SIAE: variants seen among roughly 807,000 people sequenced by gnomAD.
The protein encoded by SIAE is sialic acid acetylesterase, also known as sialate O-acetylesterase.
In SIAE, 39 loss-of-function variants were observed where a neutral mutation model predicts 52.6. That is an observed-to-expected ratio of 0.74 (90% CI 0.57 to 0.97). SIAE has a LOEUF of 0.97. Ranked by LOEUF, SIAE falls within the 50% of genes least tolerant of loss-of-function variation. The pLI is 0.00. For missense variants in SIAE, 592 were observed against 662.1 expected (o/e 0.89, Z 1.16); for synonymous variants, 233 against 241.4 (o/e 0.97, Z 0.32).
In SIAE at chr11:124,647,391, G is replaced by C. The variant is rs766290004; in HGVS notation, c.940C>G (p.Arg314Gly). Residue 314 changes from arginine (R) to glycine (G), a missense_variant, in exon 7 of 10, where the codon CGT becomes GGT. By Grantham distance (125) the Arg-to-Gly change is moderately radical. Transcript: ENST00000263593. ...TGGACAAGTCCAAATGGGAAGAAAC[G>C]CTCCGTCTGCCCCTGGGAACCACGG... ...FHRGSQGQTERFFPFGLVQLS... is the reference protein window; with the variant it reads ...FHRGSQGQTEGFFPFGLVQLS... The C allele has an allele frequency of 1.6e-5, 26 of 1,614,066 alleles. No individual in the cohort carries two copies. Among genetic ancestry groups the C allele is most frequent in the Non-Finnish European group, 2.1e-5 (25 of 1,180,044 alleles).
chr11:124,646,556 T>G (rs1240984219), intron 7 of SIAE, among the ~76,000 whole-genome samples: 11 of 123,058 alleles, frequency 8.9e-5, no homozygotes, highest in South Asian at 2.4e-4. Flanking sequence ...TTCCAGGGAG[T>G]GGAAGGGATA....
Position 124,648,175 on chromosome 11 carries a change from C to T in SIAE, c.723G>A (p.Gly241=). 1 of 1,611,352 alleles carries T rather than the reference C, an allele frequency of 6.2e-7. No individual in the cohort carries two copies. The highest frequency in any genetic ancestry group is 8.5e-7 in the Non-Finnish European group (1 of 1,177,658). Residue 241 remains glycine (G), a splice_region_variant and synonymous_variant, in exon 6 of 10, where the codon GGG becomes GGA. Transcript: ENST00000263593. ...CAGTTACAGAATCGTATGGAATGGA[C>T]CTGAAATCATATGATGCACAAGTGT... The part of the protein sequence containing the change: ...SLKACGVPKQ[G]SIPYDSVTGP...
Position 124,637,026 on chromosome 11 carries a change from A to G in SIAE, c.1497T>C (p.Ser499=). The G allele has an allele frequency of 2.5e-6, 4 of 1,614,192 alleles. No individual in the cohort carries two copies. Among genetic ancestry groups the G allele is most frequent in the Non-Finnish European group, 3.4e-6 (4 of 1,180,034 alleles). ...CAATGAAGGGAGGGGCTGGCAGGGC[A>G]CTACTGGGGTGGTATAGGGGACACT... is the stretch of plus-strand genomic sequence containing the variant. ...YKQCPLYHPS[S]ALPAPPFIAF... The change falls in exon 10 of 10, where the codon AGT becomes AGC. Residue 499 remains serine (S), a synonymous_variant. Transcript: ENST00000263593.
chr11:124,654,546 G>GTAATAATT (rs1943066995), intron 4 of SIAE, 109 bp downstream of exon 4: 1 of 1,605,590 alleles, frequency 6.2e-7, no homozygotes, highest in African/African-American at 1.3e-5. Context: ...AGGAATAAAA[G>GTAATAATT]GCATGAGTAA....
rs1374431031 is a variant in SIAE, at chr11:124,645,821, T to C, written c.966+1544A>G. Reference sequence around the variant, plus strand: ...GAAAATAATGAGCAGAATAATCTTATTTCAAAGTCAGAACAAATGCAGGAA... The same window carrying C: ...GAAAATAATGAGCAGAATAATCTTACTTCAAAGTCAGAACAAATGCAGGAA... On this transcript the variant is annotated intron_variant, in intron 7 of 9. Coordinates refer to ENST00000263593, the MANE Select transcript of SIAE (RefSeq NM_170601.5). This position sits in a 1 kb window ranked among gnomAD's most constrained non-coding sequence, Gnocchi z 4.7. 6.6e-6 allele frequency among the ~76,000 whole-genome samples: 1 copy of C among 152,150 alleles called. No individual in the cohort carries two copies. The highest frequency in any genetic ancestry group is 1.5e-5 in the Non-Finnish European group (1 of 68,036).
chr11:124,665,493 G>A (rs1565417912), intron 2 of SIAE, among the ~76,000 whole-genome samples: 1 of 152,182 alleles, frequency 6.6e-6, no homozygotes, highest in East Asian at 1.9e-4. Context: ...ACCTCCAGGT[G>A]GGAACGCAGC....
Position 124,647,341 on chromosome 11 carries a change from G to C in SIAE, c.966+24C>G, listed in dbSNP as rs537977482. 8.7e-6 allele frequency: 14 copies of C among 1,614,158 alleles called. 1 individual carries two copies. Among genetic ancestry groups the C allele is most frequent in the Middle Eastern group, 1.6e-4 (1 of 6,062 alleles). On this transcript the variant is annotated intron_variant, in intron 7 of 9. Transcript: ENST00000263593. ...ACAGGAACAGGTGTTGACATGAACA[G>C]AGAAGCCTTTACCCACATCGTACCT...
At chr11:124,668,559 G>T (rs1177129019) in intron 2 of SIAE, among the ~76,000 whole-genome samples, 1 of 152,200 alleles carries the variant, frequency 6.6e-6, no homozygotes. Flanking sequence ...CTGCACTTGT[G>T]TGCCAGGCAC....
At chr11:124,654,364 T>C (rs1410539250) in intron 4 of SIAE, 1 of 984,936 alleles carries the variant, frequency 1.0e-6, no homozygotes, top group Non-Finnish European at 1.2e-6. Context: ...GGATTTGGAG[T>C]GAAGGCATCG....
At chr11:124,654,567 A>ACC in intron 4 of SIAE, 88 bp downstream of exon 4, 1 of 1,611,436 alleles carries the variant, frequency 6.2e-7, no homozygotes, top group Non-Finnish European at 8.5e-7. Context: ...TAATAAATAG[A>ACC]CACATAAGAA....
intron 4 of SIAE, 84 bp from the exon 5 acceptor site, chr11:124,649,880 A>T: frequency 7.6e-7 from 1 of 1,317,554 alleles, no homozygotes. Flanking sequence ...TCGAGGTGAG[A>T]AGGGTGGGCA....
chr11:124,664,046 G>A (rs187157270), intron 2 of SIAE, among the ~76,000 whole-genome samples: 12 of 152,006 alleles, frequency 7.9e-5, no homozygotes, highest in East Asian at 3.9e-4. Flanking sequence ...ATTTTTTCTC[G>A]TACCACCTAG....
intron 2 of SIAE, among the ~76,000 whole-genome samples, chr11:124,665,911 G>C (rs182203555): frequency 2.6e-5 from 4 of 152,128 alleles, no homozygotes; most frequent in African/African-American, 9.7e-5. Context: ...TTTTAAGGTA[G>C]AGAAAATATA....
chr11:124,667,132 C>T (rs904287626), intron 2 of SIAE, among the ~76,000 whole-genome samples: 2 of 152,066 alleles, frequency 1.3e-5, no homozygotes, highest in Non-Finnish European at 2.9e-5. Flanking sequence ...CATGTAAATC[C>T]CACTTCTTAT....
At chr11:124,666,635 G>T (rs1384454093) in intron 2 of SIAE, among the ~76,000 whole-genome samples, 1 of 152,198 alleles carries the variant, frequency 6.6e-6, no homozygotes, top group East Asian at 1.9e-4. Context: ...GTTGCTGCTG[G>T]TTATTTTAAC....
chr11:124,640,081 C>T (rs1190627291), intron 7 of SIAE, among the ~76,000 whole-genome samples: 4 of 152,202 alleles, frequency 2.6e-5, no homozygotes, highest in Admixed American at 6.5e-5. Flanking sequence ...AACTTTGCCA[C>T]ACCTCTCATC....
At chr11:124,655,427 G>A (rs1022118321) in intron 3 of SIAE, among the ~76,000 whole-genome samples, 3 of 152,086 alleles carry the variant, frequency 2.0e-5, no homozygotes, top group South Asian at 2.1e-4. Flanking sequence ...CGCCTGCCTT[G>A]GCCTCCCAGA....
chr11:124,675,338 G>C (rs144340747), upstream of SIAE: 1 of 1,614,040 alleles, frequency 6.2e-7, no homozygotes, highest in Non-Finnish European at 8.5e-7. Context: ...GGGCTGACAC[G>C]CGAGATTCTG....
intron 4 of SIAE, among the ~76,000 whole-genome samples, chr11:124,653,100 G>C (rs182599489): frequency 6.6e-6 from 1 of 152,152 alleles, no homozygotes; most frequent in African/African-American, 2.4e-5. Flanking sequence ...TTCAGTTCCT[G>C]AGCTCTTTTA....
Sources: gnomAD v4.1 joint callset for allele counts (sites outside exome capture counted in the v4.1 genomes callset) on GRCh38, gnomAD v4.1.1 for gene constraint, Gnocchi (gnomAD v3.1) non-coding constraint, MANE v1.5 for transcripts, NCBI Gene and HGNC (gene_info 2026-07-23, HGNC 2026-07-21) for gene names.